SEMA3A: variants seen among roughly 807,000 people sequenced by gnomAD.
SEMA3A encodes semaphorin-3A.
In SEMA3A, 29 loss-of-function variants were observed where a neutral mutation model predicts 97.9. That is an observed-to-expected ratio of 0.30 (90% CI 0.22 to 0.40). The LOEUF (loss-of-function observed/expected upper bound fraction) is 0.40. Ranked by LOEUF, SEMA3A falls within the 10% of genes least tolerant of loss-of-function variation. SEMA3A has a pLI of 1.00. For synonymous variants in SEMA3A, 321 were observed against 323.7 expected, an observed-to-expected ratio of 0.99 and a Z score of 0.09; for missense variants, 763 against 951.3, an observed-to-expected ratio of 0.80 and a Z score of 2.60.
At chr7:83,965,622 G>A (rs753550982) in intron 15 of SEMA3A, among the ~76,000 whole-genome samples, 3 of 88,796 alleles carry the variant, frequency 3.4e-5, no homozygotes, top group Non-Finnish European at 6.1e-5. Context: ...TAACACCAAT[G>A]GGTGCATATA....
At chr7:84,400,313 T>G (rs997240510) in intron 1 of SEMA3A, among the ~76,000 whole-genome samples, 2 of 152,108 alleles carry the variant, frequency 1.3e-5, no homozygotes, top group Admixed American at 6.6e-5. Context: ...TGACTAACCC[T>G]GAAGGACAGA....
chr7:84,440,225 C>A (rs978111401), intron 1 of SEMA3A, among the ~76,000 whole-genome samples: 16 of 152,168 alleles, frequency 1.1e-4, no homozygotes, highest in Non-Finnish European at 1.6e-4. Context: ...TGATGGCTTA[C>A]ATCTTTCAGG....
At position 84,048,361 on chromosome 7, in the gene SEMA3A, T is replaced by A. The variant is rs193057128; in HGVS notation, c.548-1918A>T. On this transcript the variant is annotated intron_variant, in intron 5 of 16. Transcript: ENST00000265362. ...AATTTCAAAGCCACTTTGAAATACA[T>A]AAATGCCTATTGTCTCCTTAATATT... Among the ~76,000 whole-genome samples, 81 of 152,154 alleles carry A rather than the reference T, an allele frequency of 5.3e-4. 1 individual carries two copies. Among genetic ancestry groups the A allele is most frequent in the African/African-American group, 1.9e-3 (78 of 41,544 alleles).
chr7:84,359,214 G>A (rs1227512236), intron 2 of SEMA3A, among the ~76,000 whole-genome samples: 10 of 152,120 alleles, frequency 6.6e-5, no homozygotes, highest in Non-Finnish European at 1.5e-4. Context: ...CCTGTCTTGT[G>A]CCAGTTTTCC....
At chr7:84,322,741 T>C (rs376673946) in intron 2 of SEMA3A, among the ~76,000 whole-genome samples, 2 of 152,194 alleles carry the variant, frequency 1.3e-5, no homozygotes, top group African/African-American at 4.8e-5. Flanking sequence ...AACAGACTAA[T>C]ACAATCATTT....
intron 1 of SEMA3A, among the ~76,000 whole-genome samples, chr7:84,171,414 A>T (rs147198644): frequency 7.2e-4 from 109 of 152,240 alleles, no homozygotes; most frequent in Non-Finnish European, 1.4e-3. Context: ...ACACTTAGAA[A>T]TAGGTGAAGC....
At chr7:84,262,398 A>T (rs989301614) in intron 3 of SEMA3A, among the ~76,000 whole-genome samples, 1 of 152,028 alleles carries the variant, frequency 6.6e-6, no homozygotes, top group Non-Finnish European at 1.5e-5. Flanking sequence ...TATTTTTACT[A>T]GAGACAGGGT....
chr7:84,203,324 C>T (rs1207234365), intron 3 of SEMA3A, among the ~76,000 whole-genome samples: 2 of 150,842 alleles, frequency 1.3e-5, no homozygotes, highest in East Asian at 1.9e-4. Context: ...GGAAGAGAAG[C>T]CTTTTTTTTT....
At chr7:84,308,477 G>C (rs1430303623) in intron 2 of SEMA3A, among the ~76,000 whole-genome samples, 1 of 152,156 alleles carries the variant, frequency 6.6e-6, no homozygotes, top group East Asian at 1.9e-4. Flanking sequence ...GTTCTTTGTG[G>C]GAGAGGAGTC....
chr7:84,480,291 A>G (rs1282312563), intron 1 of SEMA3A, among the ~76,000 whole-genome samples: 2 of 152,170 alleles, frequency 1.3e-5, no homozygotes, highest in Non-Finnish European at 2.9e-5. Flanking sequence ...GAAGGAAGGT[A>G]TACTAGGAAT....
intron 2 of SEMA3A, among the ~76,000 whole-genome samples, chr7:84,351,625 A>C (rs192263154): frequency 1.3e-5 from 2 of 152,222 alleles, no homozygotes; most frequent in East Asian, 3.9e-4. Flanking sequence ...AAAAGTACTC[A>C]ACATTACTGA....
intron 2 of SEMA3A, among the ~76,000 whole-genome samples, chr7:84,339,767 G>A (rs933937625): frequency 6.6e-6 from 1 of 152,114 alleles, no homozygotes; most frequent in South Asian, 2.1e-4. Flanking sequence ...ATTCTGTGAA[G>A]TAGAGCTAAA....
chr7:84,069,743 C>T (rs536284700), intron 4 of SEMA3A, among the ~76,000 whole-genome samples: 2 of 151,950 alleles, frequency 1.3e-5, no homozygotes, highest in South Asian at 4.2e-4. Flanking sequence ...ACATAGAATG[C>T]GTGTGAAAAT....
chr7:84,476,010 T>C (rs994837433), intron 1 of SEMA3A, among the ~76,000 whole-genome samples: 2 of 152,164 alleles, frequency 1.3e-5, no homozygotes, highest in African/African-American at 4.8e-5. Context: ...TCAATTTCCA[T>C]AAAAGTTTTA....
chr7:84,190,625 T>TG (rs1008252814), intron 1 of SEMA3A, among the ~76,000 whole-genome samples: 8 of 150,638 alleles, frequency 5.3e-5, no homozygotes, highest in Admixed American at 2.0e-4. Flanking sequence ...ACTAGCCCTA[T>TG]CTTATACTAT....
chr7:84,276,067 T>C (rs905884493), intron 3 of SEMA3A, among the ~76,000 whole-genome samples: 5 of 152,082 alleles, frequency 3.3e-5, no homozygotes, highest in Admixed American at 1.3e-4. Context: ...AGACTTGTCT[T>C]TTTCCACTCT....
intron 1 of SEMA3A, among the ~76,000 whole-genome samples, chr7:84,465,479 A>G (rs1805967698): frequency 6.6e-6 from 1 of 152,104 alleles, no homozygotes; most frequent in African/African-American, 2.4e-5. Flanking sequence ...ATTTATTCAT[A>G]TGTGTTCTTC....
intron 5 of SEMA3A, among the ~76,000 whole-genome samples, chr7:84,051,428 C>T (rs573176160): frequency 4.6e-5 from 7 of 152,164 alleles, no homozygotes; most frequent in Non-Finnish European, 8.8e-5. Flanking sequence ...TCCTTCACAT[C>T]CCTTGTAAGT....
intron 1 of SEMA3A, among the ~76,000 whole-genome samples, chr7:84,152,823 G>T (rs1326534630): frequency 6.6e-6 from 1 of 151,946 alleles, no homozygotes; most frequent in Non-Finnish European, 1.5e-5. Flanking sequence ...TCCTGTAAGA[G>T]AATTATGTAA....
Sources: gnomAD v4.1 joint callset for allele counts (sites outside exome capture counted in the v4.1 genomes callset) on GRCh38, gnomAD v4.1.1 for gene constraint, MANE v1.5 for transcripts, NCBI Gene and HGNC (gene_info 2026-07-23, HGNC 2026-07-21) for gene names.